The following PCNX2 variants were observed in gnomAD, a reference collection of about 807,000 sequenced individuals.
The protein encoded by PCNX2 is pecanex 2, also known as pecanex-like protein 2.
In PCNX2, 168 loss-of-function variants were observed where a neutral mutation model predicts 223.8. The ratio of observed to expected loss-of-function variants is 0.75; its 90% CI spans 0.66 to 0.85. The LOEUF (loss-of-function observed/expected upper bound fraction) is 0.85. Among genes scored for constraint, PCNX2 ranks in the 40% least tolerant of loss-of-function variants. The probability of loss-of-function intolerance (pLI) is 0.00; values close to 1 mark genes in which losing one functional copy is unlikely to be tolerated. For synonymous variants in PCNX2, 1,006 were observed against 1,052.6 expected, an observed-to-expected ratio of 0.96 and a Z score of 0.86; for missense variants, 2,507 against 2,675.5, an observed-to-expected ratio of 0.94 and a Z score of 1.39.
At chr1:233,290,794 C>T in intron 1 of PCNX2, 2 of 985,420 alleles carry the variant, frequency 2.0e-6, no homozygotes, top group Non-Finnish European at 2.4e-6. Context: ...CAGAACAAGT[C>T]TGGCTAAAGT....
At chr1:233,208,773 T>A (rs1428386728) in intron 12 of PCNX2, 84 bp from the exon 13 acceptor site, 1 of 1,027,122 alleles carries the variant, frequency 9.7e-7, no homozygotes, top group East Asian at 4.0e-5. Flanking sequence ...TTACACTATA[T>A]CATATAACTT....
chr1:233,110,117 G>C (rs1675035797), intron 21 of PCNX2, among the ~76,000 whole-genome samples: 1 of 151,882 alleles, frequency 6.6e-6, no homozygotes, highest in Non-Finnish European at 1.5e-5. Context: ...AAAAAAGGAA[G>C]ATCAGATAGT....
At chr1:233,116,928 A>G (rs896452121) in intron 21 of PCNX2, among the ~76,000 whole-genome samples, 1 of 152,172 alleles carries the variant, frequency 6.6e-6, no homozygotes, top group Non-Finnish European at 1.5e-5. Context: ...CAAATTAATA[A>G]TATCAGGAGT....
intron 1 of PCNX2, among the ~76,000 whole-genome samples, chr1:233,272,793 T>A (rs1660711752): frequency 6.6e-6 from 1 of 152,208 alleles, no homozygotes; most frequent in African/African-American, 2.4e-5. Flanking sequence ...TGTATATATT[T>A]ACCATGGAAT....
At chr1:233,052,926 C>T (rs1184601169) in intron 25 of PCNX2, among the ~76,000 whole-genome samples, 1 of 151,972 alleles carries the variant, frequency 6.6e-6, no homozygotes, top group Non-Finnish European at 1.5e-5. Flanking sequence ...TCACCCCTAA[C>T]AGCTAGCCCT....
chr1:233,177,773 T>C (rs1484501388), intron 17 of PCNX2, 29 bp downstream of exon 17: 1 of 1,575,314 alleles, frequency 6.3e-7, no homozygotes, highest in Non-Finnish European at 8.7e-7. Context: ...GGCCCTCCTA[T>C]GCTACATTAC....
intron 13 of PCNX2, among the ~76,000 whole-genome samples, 163 bp downstream of exon 13, chr1:233,208,355 A>G (rs550019252): frequency 6.6e-6 from 1 of 152,322 alleles, no homozygotes; most frequent in South Asian, 2.1e-4. Flanking sequence ...GGATGCTTTG[A>G]GGCTTGGGCT....
intron 7 of PCNX2, among the ~76,000 whole-genome samples, chr1:233,251,996 T>C (rs576421538): frequency 6.6e-6 from 1 of 152,364 alleles, no homozygotes; most frequent in South Asian, 2.1e-4. Flanking sequence ...GGAAATGCCA[T>C]TAATCAAATT....
chr1:233,207,945 C>T (rs2102909717), intron 13 of PCNX2, among the ~76,000 whole-genome samples: 1 of 152,158 alleles, frequency 6.6e-6, no homozygotes, highest in African/African-American at 2.4e-5. Context: ...AACCATTCTT[C>T]AGATGAGCAT....
chr1:233,065,040 G>GT (rs1490302804), intron 23 of PCNX2, among the ~76,000 whole-genome samples: 1 of 152,036 alleles, frequency 6.6e-6, no homozygotes, highest in African/African-American at 2.4e-5. Flanking sequence ...AGCTTGCTGA[G>GT]TTTTATACCA....
At chr1:233,059,577 C>T (rs1672329068) in intron 23 of PCNX2, among the ~76,000 whole-genome samples, 1 of 152,216 alleles carries the variant, frequency 6.6e-6, no homozygotes, top group South Asian at 2.1e-4. Context: ...GTGTAATTAT[C>T]TGATGATATC....
Position 233,205,540 on chromosome 1 carries a change from CA to C in PCNX2, c.2863+2977del, listed in dbSNP as rs1250746539. Among the ~76,000 whole-genome samples the C allele has an allele frequency of 2.0e-5, 3 of 152,040 alleles. No individual in the cohort carries two copies. The South Asian group carries it at 6.3e-4, about 32-fold the overall frequency. ...GAAACCCCGTATCTACTAAAAAATA[CA>C]AAAATTAGCTAGGTATGATGGCACG... On this transcript the variant is annotated intron_variant, in intron 13 of 33. Transcript: ENST00000258229.
intron 1 of PCNX2, among the ~76,000 whole-genome samples, chr1:233,273,815 G>C (rs191542291): frequency 3.3e-5 from 5 of 151,950 alleles, no homozygotes; most frequent in African/African-American, 9.7e-5. Flanking sequence ...AGTGGAGACG[G>C]GGTTTCACCA....
intron 21 of PCNX2, among the ~76,000 whole-genome samples, chr1:233,119,403 CAAAAAAAAAAAAAAAAA>C (rs71173251): frequency 6.0e-4 from 23 of 38,634 alleles, no homozygotes; most frequent in South Asian, 2.8e-3. Context: ...ACTAAAAATA[CAAAAAAAAAAAAAAAAA>C]AAAAAAAAAA....
At chr1:233,251,129 T>C (rs1356994594) in intron 7 of PCNX2, among the ~76,000 whole-genome samples, 4 of 152,204 alleles carry the variant, frequency 2.6e-5, no homozygotes, top group African/African-American at 9.6e-5. Flanking sequence ...CTTATTTGTA[T>C]CATCTCTTAA....
chr1:233,171,544 G>A (rs1471948489), intron 17 of PCNX2, among the ~76,000 whole-genome samples: 2 of 152,050 alleles, frequency 1.3e-5, no homozygotes, highest in African/African-American at 2.4e-5. Flanking sequence ...CTCTTGATAA[G>A]GGAGCTTGCA....
chr1:233,307,244 G>T, the PCNX2 span, among the ~76,000 whole-genome samples: 2 of 152,170 alleles, frequency 1.3e-5, no homozygotes, highest in Non-Finnish European at 2.9e-5. Flanking sequence ...GATCCCCAAC[G>T]GTGGAGGTGG....
intron 31 of PCNX2, 43 bp from the exon 32 acceptor site, chr1:232,998,481 T>G: frequency 6.3e-7 from 1 of 1,593,790 alleles, no homozygotes; most frequent in Non-Finnish European, 8.5e-7. Context: ...AGCAACACAC[T>G]TCCAATCCCC....
upstream of PCNX2, among the ~76,000 whole-genome samples, chr1:233,300,700 C>T (rs1184499380): frequency 6.6e-6 from 1 of 152,154 alleles, no homozygotes; most frequent in Non-Finnish European, 1.5e-5. Context: ...TCCTTATGAT[C>T]GTACTAGCAG....
Sources: gnomAD v4.1 joint callset for allele counts (sites outside exome capture counted in the v4.1 genomes callset) on GRCh38, gnomAD v4.1.1 for gene constraint, MANE v1.5 for transcripts, NCBI Gene and HGNC (gene_info 2026-07-23, HGNC 2026-07-21) for gene names.